The following PBX4 variants were observed in gnomAD, a reference collection of about 807,000 sequenced individuals.
PBX4 encodes PBX homeobox 4, also known as pre-B-cell leukemia transcription factor 4.
PBX4 carries 26 observed loss-of-function variants against 35.1 expected under a neutral mutation model. The ratio of observed to expected loss-of-function variants is 0.74; its 90% CI spans 0.54 to 1.03. The LOEUF is 1.03. PBX4 is among the 50% of genes least tolerant of loss of function. The pLI is 0.00. For missense variants in PBX4, 448 were observed against 504.3 expected (o/e 0.89, Z 1.07); for synonymous variants, 199 against 204.2 (o/e 0.97, Z 0.22).
chr19:19,596,911 C>CAAAAAA (rs57080281), intron 2 of PBX4, among the ~76,000 whole-genome samples: 1 of 96,854 alleles, frequency 1.0e-5, no homozygotes, highest in Non-Finnish European at 2.0e-5. Context: ...ACCCTGTCTC[C>CAAAAAA]AAAAAAAAAA....
At chr19:19,581,488 C>T (rs962923738) in intron 2 of PBX4, among the ~76,000 whole-genome samples, 1 of 152,220 alleles carries the variant, frequency 6.6e-6, no homozygotes, top group Non-Finnish European at 1.5e-5. Context: ...CCTGCTTCCC[C>T]TCTGCGTCAT....
At chr19:19,588,998 C>T (rs1257613110) in intron 2 of PBX4, among the ~76,000 whole-genome samples, 5 of 151,908 alleles carry the variant, frequency 3.3e-5, no homozygotes, top group Admixed American at 1.3e-4. Flanking sequence ...CATGGTGGTG[C>T]CCACTTGTAG....
chr19:19,599,230 G>C, intron 2 of PBX4, 62 bp downstream of exon 2: 1 of 1,407,138 alleles, frequency 7.1e-7, no homozygotes, highest in Non-Finnish European at 1.0e-6. Context: ...GCCTCCCAAT[G>C]TGCTGGGATT....
intron 2 of PBX4, chr19:19,588,261 T>A: frequency 7.8e-7 from 1 of 1,275,156 alleles, no homozygotes; most frequent in Non-Finnish European, 1.1e-6. Context: ...CCCGGTAAGA[T>A]CCATAGTTAC....
chr19:19,610,140 A>G (rs989148176), intron 1 of PBX4, among the ~76,000 whole-genome samples: 12 of 152,146 alleles, frequency 7.9e-5, no homozygotes, highest in African/African-American at 2.9e-4. Context: ...TTTGCCAGGC[A>G]CGGTGGCTCA....
At chr19:19,617,632 G>T (rs1014617449) in intron 1 of PBX4, among the ~76,000 whole-genome samples, 8 of 152,050 alleles carry the variant, frequency 5.3e-5, no homozygotes, top group African/African-American at 1.7e-4. Flanking sequence ...GTACTCGAGA[G>T]CAGGGACTAT....
chr19:19,611,375 G>A (rs927657025), intron 1 of PBX4, among the ~76,000 whole-genome samples: 2 of 152,184 alleles, frequency 1.3e-5, no homozygotes, highest in Middle Eastern at 3.4e-3. Context: ...GGTCATAATA[G>A]TAAAAATCAA....
chr19:19,568,902 C>T (rs1272228745), intron 5 of PBX4, among the ~76,000 whole-genome samples: 1 of 152,228 alleles, frequency 6.6e-6, no homozygotes, highest in African/African-American at 2.4e-5. Flanking sequence ...ATTCCATCTG[C>T]ATCGCTCAGG....
intron 2 of PBX4, among the ~76,000 whole-genome samples, chr19:19,598,348 A>AG (rs1292948563): frequency 4.6e-5 from 6 of 131,176 alleles, no homozygotes; most frequent in Non-Finnish European, 9.2e-5. Flanking sequence ...CCCAGGCTGG[A>AG]GTGCAATGGC....
intron 2 of PBX4, among the ~76,000 whole-genome samples, chr19:19,583,840 C>T (rs990742843): frequency 6.6e-6 from 1 of 151,902 alleles, no homozygotes; most frequent in African/African-American, 2.4e-5. Context: ...GAGGTTGAGG[C>T]GGGAAGATCA....
chr19:19,563,504 C>T lies in PBX4; in HGVS notation c.1032+5G>A. On this transcript the variant is annotated splice_donor_5th_base_variant and intron_variant, in intron 7 of 7. Transcript: ENST00000251203. The surrounding 1 kb of genome is among the most constrained non-coding windows in gnomAD (Gnocchi z 5.1). ...GGGCGCTGTGGGACAGTGCCTGAGA[C>T]TCACCTGGGACTGCAGGCAGCCTCC... 2 of 1,546,732 alleles carry T rather than the reference C, an allele frequency of 1.3e-6. No homozygotes were observed. The highest frequency in any genetic ancestry group is 1.7e-6 in the Non-Finnish European group (2 of 1,144,114).
chr19:19,582,479 G>GAA (rs879894548), intron 2 of PBX4, among the ~76,000 whole-genome samples: 4 of 152,064 alleles, frequency 2.6e-5, no homozygotes, highest in Non-Finnish European at 4.4e-5. Flanking sequence ...GACACCAAGG[G>GAA]AAATCCAGGA....
chr19:19,563,485 T>C lies in PBX4; in HGVS notation c.1032+24A>G, dbSNP rs754484477. On this transcript the variant is annotated intron_variant, in intron 7 of 7. Coordinates refer to ENST00000251203, the MANE Select transcript of PBX4 (RefSeq NM_025245.3). This position sits in a 1 kb window ranked among gnomAD's most constrained non-coding sequence, Gnocchi z 5.1. ...GAGAACCTACCACCCACCTGGGCGCTGTGGGACAGTGCCTGAGACTCACCT... is the reference window on the plus strand; with the variant it reads ...GAGAACCTACCACCCACCTGGGCGCCGTGGGACAGTGCCTGAGACTCACCT... 1 of 1,515,700 alleles carries C rather than the reference T, an allele frequency of 6.6e-7. No homozygotes were observed. The highest frequency in any genetic ancestry group is 8.9e-7 in the Non-Finnish European group (1 of 1,118,956). The allele number at this position is 1,515,700 out of a possible 1,614,324, so 93.9% of individuals were successfully genotyped here. A position where few individuals can be genotyped will look rare whatever the true frequency, so the allele number is the denominator to read the frequency against.
chr19:19,588,512 C>T (rs769175963), intron 2 of PBX4: 47 of 542,362 alleles, frequency 8.7e-5, no homozygotes, highest in African/African-American at 1.3e-4. Flanking sequence ...CTCCTGACCT[C>T]GTGATCTACC....
intron 2 of PBX4, among the ~76,000 whole-genome samples, chr19:19,586,303 C>T (rs115895684): frequency 3.9e-5 from 6 of 152,170 alleles, no homozygotes; most frequent in African/African-American, 1.4e-4. Context: ...GTCTCAGCTA[C>T]TTGAGAGGCT....
intron 2 of PBX4, among the ~76,000 whole-genome samples, chr19:19,584,441 G>A (rs1007532818): frequency 2.6e-5 from 4 of 151,988 alleles, no homozygotes; most frequent in Admixed American, 6.6e-5. Context: ...CCAGAAACTC[G>A]GGAGGGGGAC....
chr19:19,599,898 G>A (rs1042438526), intron 1 of PBX4, among the ~76,000 whole-genome samples: 5 of 151,416 alleles, frequency 3.3e-5, no homozygotes, highest in Admixed American at 2.0e-4. Context: ...GCTTAGACCC[G>A]GGAGGCAGAG....
chr19:19,564,762 T>G, intron 6 of PBX4, 171 bp downstream of exon 6: 1 of 797,160 alleles, frequency 1.3e-6, no homozygotes, highest in South Asian at 1.8e-5. Context: ...ATCTGTTGGT[T>G]GGGATCATGG....
At chr19:19,610,195 C>G (rs1357785806) in intron 1 of PBX4, among the ~76,000 whole-genome samples, 3 of 152,156 alleles carry the variant, frequency 2.0e-5, no homozygotes, top group Non-Finnish European at 2.9e-5. Flanking sequence ...GGGCGGATCA[C>G]CTGAGGTTGG....
Sources: allele counts gnomAD v4.1 joint callset (sites outside exome capture counted in the v4.1 genomes callset), GRCh38; gene constraint gnomAD v4.1.1; non-coding constraint Gnocchi (gnomAD v3.1); transcripts MANE v1.5; gene names NCBI Gene and HGNC (gene_info 2026-07-23, HGNC 2026-07-21).